CARS1: variants seen among roughly 807,000 people sequenced by gnomAD.
CARS1 encodes cysteinyl-tRNA synthetase 1, also known as cysteine--tRNA ligase, cytoplasmic.
A neutral mutation model predicts 106.2 loss-of-function variants in CARS1; 48 were observed. That is an observed-to-expected ratio of 0.45 (90% confidence interval 0.36 to 0.57). The LOEUF (loss-of-function observed/expected upper bound fraction) is 0.57. Among genes scored for constraint, CARS1 ranks in the 20% least tolerant of loss-of-function variants. The pLI is 0.00. For missense variants in CARS1, 968 were observed against 1,057.2 expected, an observed-to-expected ratio of 0.92 and a Z score of 1.17; for synonymous variants, 409 against 403.4, an observed-to-expected ratio of 1.01 and a Z score of -0.17.
rs2134161769 is a variant in CARS1 at position 3,021,857 on chromosome 11, T to C, written c.1154-1525A>G. ...CAAAAGCACAATGTGATATGGCCCA[T>C]GACATTCGCTTTTAGATGCTCTTTG... is the stretch of plus-strand genomic sequence containing the variant. On this transcript the variant is annotated intron_variant, in intron 10 of 22. Coordinates refer to ENST00000380525, the MANE Select transcript of CARS1 (RefSeq NM_001014437.3). The surrounding 1 kb of genome is among the most constrained non-coding windows in gnomAD (Gnocchi z 5.3). Among the ~76,000 whole-genome samples, 1 of 152,364 alleles carries C rather than the reference T, an allele frequency of 6.6e-6. No homozygotes were observed. The highest frequency in any genetic ancestry group is 2.1e-4 in the South Asian group (1 of 4,830).
rs1046428623 is a variant in CARS1 at position 3,043,356 on chromosome 11, C to G, written c.275-1100G>C. On this transcript the variant is annotated intron_variant, in intron 2 of 22. Transcript: ENST00000380525. The surrounding 1 kb of genome is among the most constrained non-coding windows in gnomAD (Gnocchi z 4.0). ...TGGAGGACGGTACCTGGTGACTTTC[C>G]CGTTGCCCTCAGCCGGCTCCTGCCT... Among the ~76,000 whole-genome samples the G allele has an allele frequency of 6.6e-6, 1 of 151,958 alleles. No individual in the cohort carries two copies. Among genetic ancestry groups the G allele is most frequent in the African/African-American group, 2.4e-5 (1 of 41,368 alleles).
At chr11:3,055,282 T>TC (rs1340292695) in intron 1 of CARS1, among the ~76,000 whole-genome samples, 4 of 152,130 alleles carry the variant, frequency 2.6e-5, no homozygotes, top group African/African-American at 9.7e-5. Flanking sequence ...GGCCTCAGCC[T>TC]CCGAGTAGTC....
At chr11:3,025,447 C>T (rs1217173570) in intron 10 of CARS1, among the ~76,000 whole-genome samples, 2 of 152,176 alleles carry the variant, frequency 1.3e-5, no homozygotes, top group East Asian at 1.9e-4. Flanking sequence ...AGGCTGGTCT[C>T]GAACTCCCAA....
Position 3,040,626 on chromosome 11 carries a change from C to T in CARS1, c.455+270G>A. 1 of 635,824 alleles carries T rather than the reference C, an allele frequency of 1.6e-6. No individual in the cohort carries two copies. The highest frequency in any genetic ancestry group is 1.5e-5 in the South Asian group (1 of 66,152). The allele number at this position is 635,824 out of a possible 1,614,324, so 39.4% of individuals were successfully genotyped here. Reference sequence around the variant, plus strand: ...CTTTAAGGTATGTGAGAAAAAGTGCCCAGGTCGAGTCCAGCATGTTAGCAG... The same window carrying T: ...CTTTAAGGTATGTGAGAAAAAGTGCTCAGGTCGAGTCCAGCATGTTAGCAG... On this transcript the variant is annotated intron_variant, in intron 4 of 22. Coordinates refer to ENST00000380525, the MANE Select transcript of CARS1 (RefSeq NM_001014437.3). The surrounding 1 kb of genome is among the most constrained non-coding windows in gnomAD (Gnocchi z 5.8).
intron 16 of CARS1, among the ~76,000 whole-genome samples, chr11:3,016,832 T>C (rs981681946): frequency 3.3e-5 from 5 of 152,172 alleles, no homozygotes; most frequent in Non-Finnish European, 7.3e-5. Flanking sequence ...CAGGCTGGTT[T>C]TGAACTCCTG....
chr11:3,017,391 C>T lies in CARS1; in HGVS notation c.1728-96G>A, dbSNP rs1167654004. On this transcript the variant is annotated intron_variant, in intron 15 of 22. Transcript: ENST00000380525. The surrounding 1 kb of genome is among the most constrained non-coding windows in gnomAD (Gnocchi z 4.9). ...GGCGCAGTGGCTCACGCCTATAATC[C>T]CAGCACTTTGGGAGGCTGAGGTGGG... 2.6e-6 allele frequency: 3 copies of T among 1,139,372 alleles called. No homozygotes were observed. The African/African-American group carries it at 4.6e-5, about 17-fold the overall frequency. 70.6% of individuals were successfully genotyped at this position (1,139,372 alleles called of 1,614,324 possible).
Position 3,015,718 on chromosome 11 carries a change from C to T in CARS1, c.1986+63G>A, listed in dbSNP as rs890584897. On this transcript the variant is annotated intron_variant, in intron 17 of 22. Transcript: ENST00000380525. The stretch of plus-strand genomic sequence containing the variant: ...ACAGAGGAGGGGCAGTTCAGAGGGA[C>T]ACAGAGGGGTAGGGAGTGGGGAGGG... 4.2e-6 allele frequency: 6 copies of T among 1,421,902 alleles called. No homozygotes were observed. The African/African-American group carries it at 8.4e-5, about 20-fold the overall frequency. The allele number at this position is 1,421,902 out of a possible 1,614,324, so 88.1% of individuals were successfully genotyped here.
At position 3,004,937 on chromosome 11, in the gene CARS1, C is replaced by T. The variant is rs1294419734; in HGVS notation, c.2217+429G>A. 2.6e-5 allele frequency among the ~76,000 whole-genome samples: 4 copies of T among 152,032 alleles called. No individual in the cohort carries two copies. The highest frequency in any genetic ancestry group is 9.7e-5 in the African/African-American group (4 of 41,406). On this transcript the variant is annotated intron_variant, in intron 20 of 22. Coordinates refer to ENST00000380525, the MANE Select transcript of CARS1 (RefSeq NM_001014437.3). The surrounding 1 kb of genome is among the most constrained non-coding windows in gnomAD (Gnocchi z 5.2). Reference sequence around the variant, plus strand: ...CCTGACCAACATGGTGAAACCCCATCTCTACTAAAAAAATACAAAAATTAG... The same window carrying T: ...CCTGACCAACATGGTGAAACCCCATTTCTACTAAAAAAATACAAAAATTAG...
Position 3,037,926 on chromosome 11 carries a change from A to G in CARS1, c.801+124T>C. ...CAGGGCCGCCTGCCACAGTGGAGCT[A>G]CTGGAGACACAGAGTGTCTTCCACT... On this transcript the variant is annotated intron_variant, in intron 7 of 22. Coordinates refer to ENST00000380525, the MANE Select transcript of CARS1 (RefSeq NM_001014437.3). The surrounding 1 kb of genome is among the most constrained non-coding windows in gnomAD (Gnocchi z 5.9). 2 of 958,696 alleles carry G rather than the reference A, an allele frequency of 2.1e-6. No individual in the cohort carries two copies. The highest frequency in any genetic ancestry group is 1.6e-5 in the African/African-American group (1 of 61,540). 59.4% of individuals were successfully genotyped at this position (958,696 alleles called of 1,614,324 possible).
In CARS1 at chr11:3,045,785, G is replaced by A. The variant is rs374671872; in HGVS notation, c.274+1968C>T. 1.3e-5 allele frequency among the ~76,000 whole-genome samples: 2 copies of A among 152,218 alleles called. No homozygotes were observed. The highest frequency in any genetic ancestry group is 2.9e-5 in the Non-Finnish European group (2 of 68,044). ...GGGGAGTATGAGCCATGGAAAGAGA[G>A]GGCGTTCCCACTCAGTGGGGGAAGC... is the stretch of plus-strand genomic sequence containing the variant. On this transcript the variant is annotated intron_variant, in intron 2 of 22. Coordinates refer to ENST00000380525, the MANE Select transcript of CARS1 (RefSeq NM_001014437.3). This position sits in a 1 kb window ranked among gnomAD's most constrained non-coding sequence, Gnocchi z 5.6.
chr11:3,018,437 A>T lies in CARS1; in HGVS notation c.1600T>A (p.Ser534Thr), dbSNP rs1322947006. ...TLDYSSNTME[S>T]ALQYEKFLNE... is the part of the protein sequence containing the mutation. ...AAGAACTTCTCATATTGAAGCGCTG[A>T]CTCCATGGTGTTGCTGGAGTAGTCC... Residue 534 changes from serine (S) to threonine (T), a missense_variant, in exon 14 of 23, where the codon TCA becomes ACA. By Grantham distance (58) the Ser-to-Thr change is moderately conservative. Transcript: ENST00000380525. 1 of 1,613,818 alleles carries T rather than the reference A, an allele frequency of 6.2e-7. No homozygotes were observed. Among genetic ancestry groups the T allele is most frequent in the South Asian group, 1.1e-5 (1 of 91,078 alleles).
At chr11:3,026,819 G>C in intron 9 of CARS1, 22 bp from the exon 10 acceptor site, 1 of 1,603,518 alleles carries the variant, frequency 6.2e-7, no homozygotes, top group Non-Finnish European at 8.5e-7. Context: ...AAAAGGAATT[G>C]GGTGGGTGCA....
chr11:3,050,398 CCTTTA>C lies in CARS1; in HGVS notation c.26-2402_26-2398del, dbSNP rs773538735. Among the ~76,000 whole-genome samples, 11 of 152,130 alleles carry C rather than the reference CCTTTA, an allele frequency of 7.2e-5. No individual in the cohort carries two copies. Among genetic ancestry groups the C allele is most frequent in the Admixed American group, 1.3e-4 (2 of 15,282 alleles). ...CCCTAGCCAAAACTGGAATCACACC[CCTTTA>C]CAAGTTATCCTTAGGAGCACCCATA... is the stretch of plus-strand genomic sequence containing the variant. On this transcript the variant is annotated intron_variant, in intron 1 of 22. Coordinates refer to ENST00000380525, the MANE Select transcript of CARS1 (RefSeq NM_001014437.3). The surrounding 1 kb of genome is among the most constrained non-coding windows in gnomAD (Gnocchi z 6.3).
At chr11:3,047,438 G>A (rs917067017) in intron 2 of CARS1, among the ~76,000 whole-genome samples, 4 of 152,156 alleles carry the variant, frequency 2.6e-5, no homozygotes, top group Admixed American at 6.5e-5. Flanking sequence ...ACAAGGCTAG[G>A]GCCCGTGGCC....
chr11:3,014,733 C>T (rs961729013), intron 17 of CARS1, among the ~76,000 whole-genome samples: 3 of 152,234 alleles, frequency 2.0e-5, no homozygotes, highest in Non-Finnish European at 2.9e-5. Flanking sequence ...AGCTAGCTAG[C>T]GCTAAGGCTG....
At position 3,041,791 on chromosome 11, in the gene CARS1, T is replaced by A. The variant is rs912052631; in HGVS notation, c.366+374A>T. On this transcript the variant is annotated intron_variant, in intron 3 of 22. Transcript: ENST00000380525. The surrounding 1 kb of genome is among the most constrained non-coding windows in gnomAD (Gnocchi z 4.9). ...TCCAGCCAGTTTGCCGTTTTGTCCA[T>A]CCTGCTTGGCTCATACAGTGCCACC... 2.6e-5 allele frequency among the ~76,000 whole-genome samples: 4 copies of A among 151,434 alleles called. No individual in the cohort carries two copies. The highest frequency in any genetic ancestry group is 5.9e-5 in the Non-Finnish European group (4 of 68,024).
At chr11:3,056,255 TG>T (rs1400633978) in intron 1 of CARS1, among the ~76,000 whole-genome samples, 2 of 152,080 alleles carry the variant, frequency 1.3e-5, no homozygotes, top group African/African-American at 2.4e-5. Context: ...AAACTGAGGG[TG>T]GGGGCTGGAG....
intron 7 of CARS1, among the ~76,000 whole-genome samples, chr11:3,033,361 G>A (rs528347764): frequency 6.6e-6 from 1 of 152,152 alleles, no homozygotes; most frequent in Non-Finnish European, 1.5e-5. Flanking sequence ...GATTGGGACA[G>A]ACCATACTCT....
Position 3,039,782 on chromosome 11 carries a change from T to G in CARS1, c.552+53A>C. On this transcript the variant is annotated intron_variant, in intron 5 of 22. Transcript: ENST00000380525. The surrounding 1 kb of genome is among the most constrained non-coding windows in gnomAD (Gnocchi z 5.6). ...ATTTACTTATGCGAAAGTTCTATCT[T>G]CTTTTACACCATCCAATTGCATTTA... The G allele has an allele frequency of 3.3e-6, 3 of 918,776 alleles. No individual in the cohort carries two copies. The South Asian group carries it at 4.8e-5, about 15-fold the overall frequency. 56.9% of individuals were successfully genotyped at this position (918,776 alleles called of 1,614,324 possible).
Sources: allele counts gnomAD v4.1 joint callset (sites outside exome capture counted in the v4.1 genomes callset), GRCh38; gene constraint gnomAD v4.1.1; non-coding constraint Gnocchi (gnomAD v3.1); transcripts MANE v1.5; gene names NCBI Gene and HGNC (gene_info 2026-07-23, HGNC 2026-07-21).